MATCAP1: variants seen among roughly 807,000 people sequenced by gnomAD.
The protein encoded by MATCAP1 is microtubule associated tyrosine carboxypeptidase 1, also known as microtubule-associated tyrosine carboxypeptidase 1.
At chr16:67,177,403 G>A in the MATCAP1 span, among the ~76,000 whole-genome samples, 2 of 152,152 alleles carry the variant, frequency 1.3e-5, no homozygotes, top group African/African-American at 4.8e-5. Context: ...CCTCCCATCA[G>A]GGTAGCCGCT....
the MATCAP1 span, among the ~76,000 whole-genome samples, chr16:67,181,336 C>T: frequency 4.6e-5 from 7 of 152,332 alleles, no homozygotes; most frequent in East Asian, 1.9e-4. Flanking sequence ...ATGCTTACGC[C>T]GGTACCCCCC....
chr16:67,180,407 C>T, the MATCAP1 span: 7 of 1,612,654 alleles, frequency 4.3e-6, no homozygotes, highest in Non-Finnish European at 5.9e-6. Flanking sequence ...CCAGGAGCAT[C>T]TGTGAGAACG....
the MATCAP1 span, chr16:67,178,762 C>T: frequency 5.8e-6 from 4 of 685,426 alleles, no homozygotes; most frequent in Non-Finnish European, 1.1e-5. Context: ...CCACCCTACA[C>T]CCACGCACCC....
At chr16:67,179,372 T>C in the MATCAP1 span, 1 of 1,328,474 alleles carries the variant, frequency 7.5e-7, no homozygotes. The surrounding 1 kb of genome is among the most constrained non-coding windows in gnomAD (Gnocchi z 5.2). Context: ...TTCCCACCCC[T>C]CCCAGCTCCC....
At chr16:67,179,994 C>T in the MATCAP1 span, 60 of 1,613,228 alleles carry the variant, frequency 3.7e-5, no homozygotes, top group African/African-American at 5.3e-5. This position sits in a 1 kb window ranked among gnomAD's most constrained non-coding sequence, Gnocchi z 5.2. Context: ...TCAGGACAAG[C>T]CCCTTGGGTG....
chr16:67,176,816 C>T, the MATCAP1 span: 4 of 1,586,188 alleles, frequency 2.5e-6, no homozygotes, highest in Admixed American at 1.8e-5. This position sits in a 1 kb window ranked among gnomAD's most constrained non-coding sequence, Gnocchi z 4.3. Flanking sequence ...GGACATCAGT[C>T]GGGTAGCAGG....
At chr16:67,179,152 C>A in the MATCAP1 span, 4 of 1,259,636 alleles carry the variant, frequency 3.2e-6, no homozygotes, top group Non-Finnish European at 4.0e-6. This position sits in a 1 kb window ranked among gnomAD's most constrained non-coding sequence, Gnocchi z 5.2. Context: ...ACCAGCCTTG[C>A]CCGCACTGTT....
At chr16:67,179,901 C>A in the MATCAP1 span, 1 of 1,614,198 alleles carries the variant, frequency 6.2e-7, no homozygotes, top group South Asian at 1.1e-5. This position sits in a 1 kb window ranked among gnomAD's most constrained non-coding sequence, Gnocchi z 5.2. Context: ...CCAGTGGCAG[C>A]CTCAAAGTGT....
chr16:67,178,575 C>A, the MATCAP1 span: 2 of 1,364,568 alleles, frequency 1.5e-6, no homozygotes, highest in Non-Finnish European at 2.0e-6. Flanking sequence ...CCAGCCCTGG[C>A]CCTGTTCCAT....
the MATCAP1 span, chr16:67,183,848 T>G: frequency 1.8e-5 from 3 of 166,840 alleles, no homozygotes; most frequent in Non-Finnish European, 2.6e-5. Context: ...TTTGGGGGGG[T>G]CCGTCCGCGT....
the MATCAP1 span, chr16:67,179,602 G>T: frequency 6.3e-7 from 1 of 1,581,882 alleles, no homozygotes; most frequent in Non-Finnish European, 8.7e-7. This position sits in a 1 kb window ranked among gnomAD's most constrained non-coding sequence, Gnocchi z 5.2. Context: ...CACCAGCCTG[G>T]GGCCAGGGTG....
chr16:67,178,538 G>A, the MATCAP1 span: 3 of 1,503,850 alleles, frequency 2.0e-6, no homozygotes, highest in Non-Finnish European at 2.7e-6. Flanking sequence ...GGCGCTGGGC[G>A]GGGCGTTCGG....
the MATCAP1 span, chr16:67,178,415 G>GAC: frequency 1.3e-6 from 2 of 1,542,266 alleles, no homozygotes; most frequent in African/African-American, 2.8e-5. Context: ...TCCTCCGTGG[G>GAC]GTTCGCCGGC....
the MATCAP1 span, chr16:67,176,143 T>G: frequency 2.7e-5 from 4 of 146,374 alleles, no homozygotes; most frequent in Non-Finnish European, 5.8e-5. This position sits in a 1 kb window ranked among gnomAD's most constrained non-coding sequence, Gnocchi z 4.3. Context: ...GCTGGGAAAA[T>G]TGGTGCCTTC....
chr16:67,178,417 T>A, the MATCAP1 span: 7 of 1,541,606 alleles, frequency 4.5e-6, no homozygotes, highest in Non-Finnish European at 6.1e-6. Context: ...CTCCGTGGGG[T>A]TCGCCGGCCG....
the MATCAP1 span, chr16:67,178,271 C>T: frequency 1.3e-6 from 2 of 1,570,466 alleles, no homozygotes; most frequent in Non-Finnish European, 1.7e-6. Flanking sequence ...GCGTCCTGCA[C>T]GTAGCGCTCC....
chr16:67,178,815 C>T, the MATCAP1 span: 1 of 651,554 alleles, frequency 1.5e-6, no homozygotes, highest in Non-Finnish European at 2.8e-6. Context: ...TGCCCCCAGC[C>T]CTCCTGGGCA....
At chr16:67,183,061 G>T in the MATCAP1 span, among the ~76,000 whole-genome samples, 1 of 151,966 alleles carries the variant, frequency 6.6e-6, no homozygotes. Context: ...TTCCTTCCCT[G>T]CACTTTGCTT....
chr16:67,180,146 G>A, the MATCAP1 span: 1 of 1,614,128 alleles, frequency 6.2e-7, no homozygotes, highest in East Asian at 2.2e-5. Flanking sequence ...GGGACTGGAA[G>A]AACTTGTCTC....
Sources: allele counts gnomAD v4.1 joint callset (sites outside exome capture counted in the v4.1 genomes callset), GRCh38; gene constraint gnomAD v4.1.1; non-coding constraint Gnocchi (gnomAD v3.1); transcripts MANE v1.5; gene names NCBI Gene and HGNC (gene_info 2026-07-23, HGNC 2026-07-21).